PROSER1: variants seen among roughly 807,000 people sequenced by gnomAD.
The protein encoded by PROSER1 is proline and serine rich 1, also known as proline and serine-rich protein 1.
A neutral mutation model predicts 71.8 loss-of-function variants in PROSER1; 36 were observed. The observed-to-expected ratio is 0.50, with a 90% CI of 0.38 to 0.66. The LOEUF (loss-of-function observed/expected upper bound fraction) is 0.66, where lower values mean the gene tolerates loss of function less well. PROSER1 is among the 30% of genes least tolerant of loss of function. PROSER1 has a pLI of 0.00. For synonymous variants in PROSER1, 490 were observed against 452.4 expected (o/e 1.08, Z -1.06); for missense variants, 1,107 against 1,135.0 (o/e 0.98, Z 0.35).
chr13:39,027,600 T>G (rs1870607384), intron 5 of PROSER1, among the ~76,000 whole-genome samples: 1 of 152,186 alleles, frequency 6.6e-6, no homozygotes, highest in Non-Finnish European at 1.5e-5. Context: ...TCTACAACAA[T>G]GTATGACTAA....
At chr13:39,033,705 TTAC>T (rs1480644627) in intron 2 of PROSER1, among the ~76,000 whole-genome samples, 1 of 152,250 alleles carries the variant, frequency 6.6e-6, no homozygotes, top group Non-Finnish European at 1.5e-5. Flanking sequence ...TGTATTTTTC[TTAC>T]TGTTGAAATT....
At chr13:39,024,379 C>A (rs771937028) in intron 7 of PROSER1, 94 bp downstream of exon 7, 1 of 880,634 alleles carries the variant, frequency 1.1e-6, no homozygotes, top group Non-Finnish European at 1.8e-6. Context: ...ATACTTCAAA[C>A]TTTGCAACAC....
rs114233125 is a variant in PROSER1, at chr13:39,022,552, A to T, written c.644-140T>A. The T allele has an allele frequency of 3.0e-3, 1,776 of 591,996 alleles. 29 individuals are homozygous for T. The African/African-American group carries it at 0.03, about 10-fold the overall frequency. 36.7% of individuals were successfully genotyped at this position (591,996 alleles called of 1,614,324 possible). On this transcript the variant is annotated intron_variant, in intron 8 of 12. Transcript: ENST00000352251. ...ACTCCTATTTAATACAGTTGATTTT[A>T]TATGGAGGTTTATGTCTAGAGTTAA...
rs1439004622 is a variant in PROSER1 at position 39,012,794 on chromosome 13, G to C, written c.2458C>G (p.Pro820Ala). 1 of 1,614,196 alleles carries C rather than the reference G, an allele frequency of 6.2e-7. No individual in the cohort carries two copies. The highest frequency in any genetic ancestry group is 8.5e-7 in the Non-Finnish European group (1 of 1,180,024). The change falls in exon 11 of 13, where the codon CCA (proline) becomes GCA (alanine). Residue 820 changes from proline to alanine, a missense_variant. By Grantham distance (27) the Pro-to-Ala change is conservative. Transcript: ENST00000352251. ...QAPSTVAAVTPLPVAATAPSP... is the reference protein window; with the variant it reads ...QAPSTVAAVTALPVAATAPSP... ...GGGGCTGTGGCAGCCACAGGTAGTG[G>C]TGTGACAGCTGCGACTGTAGAGGGC... is the stretch of plus-strand genomic sequence containing the variant.
At chr13:39,015,203 A>G (rs1349187336) in intron 10 of PROSER1, among the ~76,000 whole-genome samples, 2 of 152,172 alleles carry the variant, frequency 1.3e-5, no homozygotes, top group African/African-American at 4.8e-5. Flanking sequence ...TACAGTTCCC[A>G]AACCCACTCA....
Position 39,013,935 on chromosome 13 carries a change from T to G in PROSER1, c.1317A>C (p.Thr439=). The G allele has an allele frequency of 6.2e-7, 1 of 1,614,134 alleles. No individual in the cohort carries two copies. The highest frequency in any genetic ancestry group is 8.5e-7 in the Non-Finnish European group (1 of 1,180,016). Residue 439 remains threonine, a synonymous_variant, in exon 11 of 13, where the codon ACA becomes ACC. Transcript: ENST00000352251. ...FAGLPLPLPP[T]SQGLSNPTPV... ...GAGTCGGGTTGGATAGGCCTTGGGATGTTGGTGGTAAGGGCAAAGGGAGCC... is the reference window on the plus strand; with the variant it reads ...GAGTCGGGTTGGATAGGCCTTGGGAGGTTGGTGGTAAGGGCAAAGGGAGCC...
In PROSER1 at chr13:39,029,290, A is replaced by G; in HGVS notation, c.266T>C (p.Leu89Pro). The change falls in exon 4 of 13, where the codon CTG (leucine) becomes CCG (proline). Residue 89 changes from leucine (L) to proline (P), a missense_variant. Transcript: ENST00000352251. ...FSKDKLVALE[L>P]LASNIIDAQN... ...AAAAAGAAATACTTACGAGGCTAAC[A>G]GTTCAAGAGCAACTAGTTTGTCTTT... 2.0e-6 allele frequency: 3 copies of G among 1,478,650 alleles called. No homozygotes were observed. Among genetic ancestry groups the G allele is most frequent in the South Asian group, 1.4e-5 (1 of 71,970 alleles). The allele number at this position is 1,478,650 out of a possible 1,614,324, so 91.6% of individuals were successfully genotyped here. A position where few individuals can be genotyped will look rare whatever the true frequency, so the allele number is the denominator to read the frequency against.
chr13:39,032,286 T>C (rs1284009938), intron 2 of PROSER1, among the ~76,000 whole-genome samples: 1 of 152,150 alleles, frequency 6.6e-6, no homozygotes, highest in Non-Finnish European at 1.5e-5. Context: ...TGATACATCA[T>C]TTGAGAGCTC....
Position 39,026,398 on chromosome 13 carries a change from A to G in PROSER1, c.370-11T>C. The G allele has an allele frequency of 6.4e-7, 1 of 1,569,698 alleles. No individual in the cohort carries two copies. Among genetic ancestry groups the G allele is most frequent in the Non-Finnish European group, 8.7e-7 (1 of 1,148,744 alleles). ...GCCCCCCTTGAAAGCCTGTAATATAAGAAAGAAGAGGGGTAGGAAAAAAAT... is the reference window on the plus strand; with the variant it reads ...GCCCCCCTTGAAAGCCTGTAATATAGGAAAGAAGAGGGGTAGGAAAAAAAT... On this transcript the variant is annotated splice_polypyrimidine_tract_variant and intron_variant, in intron 5 of 12. Transcript: ENST00000352251.
In PROSER1 at chr13:39,034,158, A is replaced by G; in HGVS notation, c.84T>C (p.Tyr28=). ...GTTCACTAGAAAAGTATCCATGCACATATTCAATTGCTTTTAATTTGTATT... is the reference window on the plus strand; with the variant it reads ...GTTCACTAGAAAAGTATCCATGCACGTATTCAATTGCTTTTAATTTGTATT... ...LTEYKLKAIE[Y]VHGYFSSEQV... is the part of the protein sequence containing the mutation. Residue 28 remains tyrosine, a synonymous_variant, in exon 2 of 13, where the codon TAT becomes TAC. Coordinates refer to ENST00000352251, the MANE Select transcript of PROSER1 (RefSeq NM_025138.5). 1 of 1,588,858 alleles carries G rather than the reference A, an allele frequency of 6.3e-7. No individual in the cohort carries two copies. The highest frequency in any genetic ancestry group is 1.2e-5 in the South Asian group (1 of 85,580).
At position 39,013,842 on chromosome 13, in the gene PROSER1, A is replaced by T. The variant is rs781582331; in HGVS notation, c.1410T>A (p.Ser470=). ...GPLGVNSPLL[S]ALKGFLTSND... is the part of the protein sequence containing the mutation. ...TGGATGTCAGAAAACCTTTTAACGCAGACAAAAGAGGACTGTTCACACCAA... is the reference window on the plus strand; with the variant it reads ...TGGATGTCAGAAAACCTTTTAACGCTGACAAAAGAGGACTGTTCACACCAA... The change falls in exon 11 of 13, where the codon TCT becomes TCA. Residue 470 remains serine (S), a synonymous_variant. Transcript: ENST00000352251. 2.5e-6 allele frequency: 4 copies of T among 1,614,098 alleles called. No individual in the cohort carries two copies. The highest frequency in any genetic ancestry group is 2.7e-5 in the African/African-American group (2 of 74,936).
At chr13:39,016,724 A>AT (rs1455824369) in intron 10 of PROSER1, among the ~76,000 whole-genome samples, 1 of 152,070 alleles carries the variant, frequency 6.6e-6, no homozygotes, top group Admixed American at 6.5e-5. Flanking sequence ...AAGAAACTGG[A>AT]TGTCCTGACA....
intron 3 of PROSER1, 64 bp from the exon 4 acceptor site, chr13:39,029,439 C>T: frequency 1.1e-6 from 1 of 883,846 alleles, no homozygotes; most frequent in Non-Finnish European, 1.7e-6. Context: ...TTACCTTTTT[C>T]TGGAAGTACA....
chr13:39,032,199 G>A (rs1032079849), intron 2 of PROSER1, among the ~76,000 whole-genome samples: 6 of 152,052 alleles, frequency 3.9e-5, no homozygotes, highest in Non-Finnish European at 5.9e-5. Context: ...TGAATCTGGA[G>A]GGCATAAACT....
chr13:39,030,852 T>C (rs1451245398), intron 3 of PROSER1, among the ~76,000 whole-genome samples: 1 of 152,044 alleles, frequency 6.6e-6, no homozygotes, highest in African/African-American at 2.4e-5. Flanking sequence ...TAACTCTTTC[T>C]TTTGCAAAGC....
intron 6 of PROSER1, 22 bp from the exon 7 acceptor site, chr13:39,024,578 G>T: frequency 1.1e-5 from 14 of 1,250,248 alleles, no homozygotes; most frequent in Non-Finnish European, 1.6e-5. Flanking sequence ...AAAAAAAAAA[G>T]GTAATTGAAA....
Position 39,028,297 on chromosome 13 carries a change from G to T in PROSER1, c.299C>A (p.Ser100Tyr). The T allele has an allele frequency of 1.9e-6, 3 of 1,596,004 alleles. No homozygotes were observed. The highest frequency in any genetic ancestry group is 1.7e-4 in the Middle Eastern group (1 of 6,032). ...CCTGAATAAATCTTCAATAGGACGA[G>T]AATTCTGTGCATCAATAATGTTCCT... is the stretch of plus-strand genomic sequence containing the variant. ...LASNIIDAQN[S>Y]RPIEDLFRVN... Residue 100 changes from serine (S) to tyrosine (Y), a missense_variant, in exon 5 of 13, where the codon TCT becomes TAT. Ser to Tyr is a moderately radical substitution (Grantham distance 144). Coordinates refer to ENST00000352251, the MANE Select transcript of PROSER1 (RefSeq NM_025138.5).
rs201086093 is a variant in PROSER1, at chr13:39,013,505, G to A, written c.1747C>T (p.Arg583Cys). Residue 583 changes from arginine (R) to cysteine (C), a missense_variant, in exon 11 of 13, where the codon CGT becomes TGT. Coordinates refer to ENST00000352251, the MANE Select transcript of PROSER1 (RefSeq NM_025138.5). ...VSCGSSASLL[R>C]GPHPGTSDLH... ...TCTGAGGTACCTGGGTGGGGGCCACGCAAAAGGGAGGCTGAGGAGCCACAG... is the reference window on the plus strand; with the variant it reads ...TCTGAGGTACCTGGGTGGGGGCCACACAAAAGGGAGGCTGAGGAGCCACAG... 2.5e-4 allele frequency: 401 copies of A among 1,614,034 alleles called. 2 individuals are homozygous for A. Among genetic ancestry groups the A allele is most frequent in the Non-Finnish European group, 2.9e-4 (340 of 1,179,996 alleles).
chr13:39,013,852 G>A lies in PROSER1; in HGVS notation c.1400C>T (p.Pro467Leu). The A allele has an allele frequency of 1.2e-6, 2 of 1,614,224 alleles. No homozygotes were observed. The highest frequency in any genetic ancestry group is 1.1e-5 in the South Asian group (1 of 91,086). Residue 467 changes from proline (P) to leucine (L), a missense_variant, in exon 11 of 13, where the codon CCT becomes CTT. Coordinates refer to ENST00000352251, the MANE Select transcript of PROSER1 (RefSeq NM_025138.5). ...SVAGPLGVNS[P>L]LLSALKGFLT... The stretch of plus-strand genomic sequence containing the variant: ...AAAACCTTTTAACGCAGACAAAAGA[G>A]GACTGTTCACACCAAGTGGACCGGC...
Sources: allele counts gnomAD v4.1 joint callset (sites outside exome capture counted in the v4.1 genomes callset), GRCh38; gene constraint gnomAD v4.1.1; transcripts MANE v1.5; gene names NCBI Gene and HGNC (gene_info 2026-07-23, HGNC 2026-07-21).